The following DOCK4 variants were observed in gnomAD, a reference collection of about 807,000 sequenced individuals.
DOCK4 encodes the protein dedicator of cytokinesis protein 4.
A neutral mutation model predicts 268.1 loss-of-function variants in DOCK4; 97 were observed. The ratio of observed to expected loss-of-function variants is 0.36; its 90% confidence interval spans 0.31 to 0.43. The LOEUF is 0.43. DOCK4 is among the 20% of genes least tolerant of loss of function. DOCK4 has a pLI of 1.00. For missense variants in DOCK4, 2,145 were observed against 2,455.7 expected, an observed-to-expected ratio of 0.87 and a Z score of 2.67; for synonymous variants, 954 against 887.2, an observed-to-expected ratio of 1.08 and a Z score of -1.34.
At chr7:111,971,318 A>C (rs975594083) in intron 8 of DOCK4, 5 of 165,274 alleles carry the variant, frequency 3.0e-5, no homozygotes, top group African/African-American at 1.2e-4. Flanking sequence ...CAGTGATGTT[A>C]GATGTCATCG....
At chr7:112,006,767 C>T (rs1015938946) in intron 1 of DOCK4, among the ~76,000 whole-genome samples, 1 of 152,196 alleles carries the variant, frequency 6.6e-6, no homozygotes, top group Non-Finnish European at 1.5e-5. Flanking sequence ...TGTGTAATCA[C>T]TGCCTGTGAT....
intron 1 of DOCK4, among the ~76,000 whole-genome samples, chr7:112,049,441 T>C (rs1227935843): frequency 2.0e-5 from 3 of 151,906 alleles, no homozygotes; most frequent in Non-Finnish European, 4.4e-5. Flanking sequence ...TAAAATAAAA[T>C]TGTACTAAAG....
intron 47 of DOCK4, among the ~76,000 whole-genome samples, chr7:111,740,740 A>AAAAAAT (rs1795856962): frequency 7.1e-6 from 1 of 141,498 alleles, no homozygotes; most frequent in Non-Finnish European, 1.5e-5. Context: ...AAAAAAAAAA[A>AAAAAAT]AAAAAAAAAA....
At chr7:112,115,433 C>T (rs1393837225) in intron 1 of DOCK4, among the ~76,000 whole-genome samples, 2 of 152,216 alleles carry the variant, frequency 1.3e-5, no homozygotes, top group Non-Finnish European at 2.9e-5. Context: ...CTGCAGCCTA[C>T]TGTTCTCACC....
intron 17 of DOCK4, among the ~76,000 whole-genome samples, chr7:111,873,947 C>G (rs565277969): frequency 6.6e-6 from 1 of 152,240 alleles, no homozygotes; most frequent in African/African-American, 2.4e-5. Context: ...AAAATGTTGA[C>G]TATTCAGATG....
intron 37 of DOCK4, 111 bp from the exon 38 acceptor site, chr7:111,767,229 T>A (rs1324067959): frequency 7.3e-5 from 23 of 314,188 alleles, no homozygotes; most frequent in Non-Finnish European, 1.0e-4. Flanking sequence ...TCCTTAATCT[T>A]TTTTTTTTTT....
At chr7:111,870,533 GC>G (rs1356889142) in intron 20 of DOCK4, among the ~76,000 whole-genome samples, 5 of 152,002 alleles carry the variant, frequency 3.3e-5, no homozygotes, top group Non-Finnish European at 7.4e-5. Context: ...TGTTGGTCAG[GC>G]TGGTCTTGAA....
intron 1 of DOCK4, among the ~76,000 whole-genome samples, chr7:112,104,778 G>A (rs1243757789): frequency 6.6e-6 from 1 of 152,168 alleles, no homozygotes; most frequent in East Asian, 1.9e-4. Flanking sequence ...GAATGCTATA[G>A]AGTGAATGGC....
At chr7:112,046,859 G>A (rs1451599270) in intron 1 of DOCK4, among the ~76,000 whole-genome samples, 2 of 152,148 alleles carry the variant, frequency 1.3e-5, no homozygotes, top group African/African-American at 4.8e-5. Flanking sequence ...AACTCCCTGA[G>A]CTGAGAGAAA....
In DOCK4 at chr7:111,846,985, C is replaced by T; in HGVS notation, c.2601+14G>A. On this transcript the variant is annotated intron_variant, in intron 24 of 52. Coordinates refer to ENST00000428084, the MANE Select transcript of DOCK4 (RefSeq NM_001363540.2). The stretch of plus-strand genomic sequence containing the variant: ...TTTGAAGGGAGCTATATACTATGAC[C>T]TGTATTTACTTACTGAGCTATTTTT... The T allele has an allele frequency of 6.2e-7, 1 of 1,612,910 alleles. No individual in the cohort carries two copies. Among genetic ancestry groups the T allele is most frequent in the Non-Finnish European group, 8.5e-7 (1 of 1,179,194 alleles).
At chr7:111,984,071 T>C (rs143074199) in intron 7 of DOCK4, among the ~76,000 whole-genome samples, 3 of 152,292 alleles carry the variant, frequency 2.0e-5, no homozygotes, top group Admixed American at 6.5e-5. Context: ...CATCTTTGTA[T>C]TGACTTCCTG....
At position 111,769,589 on chromosome 7, in the gene DOCK4, T is replaced by G; in HGVS notation, c.3768A>C (p.Thr1256=). Residue 1256 remains threonine (T), a synonymous_variant, in exon 37 of 53, where the codon ACA becomes ACC. Coordinates refer to ENST00000428084, the MANE Select transcript of DOCK4 (RefSeq NM_001363540.2). Reference sequence around the variant, plus strand: ...GCAGGTGCTCTTTGCGCTGCCATTCTGTTTGCATGGGGTAGGTCAGGAACT... The same window carrying G: ...GCAGGTGCTCTTTGCGCTGCCATTCGGTTTGCATGGGGTAGGTCAGGAACT... ...LREFLTYPMQ[T]EWQRKEHLHL... 6.2e-7 allele frequency: 1 copy of G among 1,613,816 alleles called. No homozygotes were observed. The highest frequency in any genetic ancestry group is 2.2e-5 in the East Asian group (1 of 44,838).
chr7:112,111,597 C>A (rs189443062), intron 1 of DOCK4, among the ~76,000 whole-genome samples: 1 of 152,058 alleles, frequency 6.6e-6, no homozygotes, highest in African/African-American at 2.4e-5. Flanking sequence ...TCTTAATGTT[C>A]ATGAGCTCTA....
chr7:112,018,234 C>G (rs940548158), intron 1 of DOCK4, among the ~76,000 whole-genome samples: 1 of 139,818 alleles, frequency 7.2e-6, no homozygotes, highest in Non-Finnish European at 1.5e-5. Context: ...TAATAAAACT[C>G]TGTTATTTCC....
intron 27 of DOCK4, among the ~76,000 whole-genome samples, chr7:111,814,839 G>T (rs988412028): frequency 1.3e-5 from 2 of 152,136 alleles, no homozygotes; most frequent in African/African-American, 4.8e-5. Context: ...GCCTTTCAGG[G>T]ACTTTCGAAA....
At chr7:112,082,452 A>G (rs1429353123) in intron 1 of DOCK4, among the ~76,000 whole-genome samples, 1 of 152,088 alleles carries the variant, frequency 6.6e-6, no homozygotes, top group Non-Finnish European at 1.5e-5. Flanking sequence ...TACAAAATCT[A>G]CCTTCCCTAC....
chr7:112,066,695 A>G (rs1364161893), intron 1 of DOCK4, among the ~76,000 whole-genome samples: 743 of 11,696 alleles, frequency 0.064, 54 homozygotes, highest in African/African-American at 0.13. Flanking sequence ...ATATACATAT[A>G]TATATATATA....
intron 1 of DOCK4, among the ~76,000 whole-genome samples, chr7:112,072,377 T>C (rs1448895738): frequency 6.6e-6 from 1 of 152,264 alleles, no homozygotes; most frequent in Non-Finnish European, 1.5e-5. Flanking sequence ...TAATCCCTTA[T>C]CTGATAACGC....
At chr7:112,163,111 G>A (rs1024059696) in intron 1 of DOCK4, among the ~76,000 whole-genome samples, 1 of 152,194 alleles carries the variant, frequency 6.6e-6, no homozygotes, top group Non-Finnish European at 1.5e-5. Context: ...AATAAATTAA[G>A]ACACGGCAAG....
Sources: gnomAD v4.1 joint callset for allele counts (sites outside exome capture counted in the v4.1 genomes callset) on GRCh38, gnomAD v4.1.1 for gene constraint, MANE v1.5 for transcripts, NCBI Gene and HGNC (gene_info 2026-07-23, HGNC 2026-07-21) for gene names.